POLD3: variants seen among roughly 807,000 people sequenced by gnomAD.
POLD3 encodes the protein DNA polymerase delta 3, accessory subunit.
Under a neutral mutation model 58.2 loss-of-function variants are expected in POLD3, and 19 were observed. That is an observed-to-expected ratio of 0.33 (90% confidence interval 0.23 to 0.48). The LOEUF is 0.48. Ranked by LOEUF, POLD3 falls within the 20% of genes least tolerant of loss-of-function variation. POLD3 has a pLI of 0.99. For missense variants in POLD3, 504 were observed against 545.5 expected, an observed-to-expected ratio of 0.92 and a Z score of 0.76; for synonymous variants, 172 against 193.5, an observed-to-expected ratio of 0.89 and a Z score of 0.92.
intron 4 of POLD3, among the ~76,000 whole-genome samples, chr11:74,656,310 C>T (rs187796146): frequency 1.3e-3 from 201 of 152,030 alleles, no homozygotes; most frequent in African/African-American, 4.6e-3. Context: ...ATTTTTTGGC[C>T]GGGCTCAGTG....
chr11:74,607,424 G>A (rs1490002234), intron 3 of POLD3, among the ~76,000 whole-genome samples: 4 of 149,456 alleles, frequency 2.7e-5, no homozygotes, highest in African/African-American at 4.9e-5. Flanking sequence ...CACCACGCCC[G>A]GCTAATTTTT....
At chr11:74,646,487 G>A (rs1291094184), downstream of POLD3, among the ~76,000 whole-genome samples, 2 of 152,174 alleles carry the variant, frequency 1.3e-5, no homozygotes, top group Non-Finnish European at 2.9e-5. Flanking sequence ...AGATAAGTAG[G>A]CTAATAAATG....
In POLD3 at chr11:74,625,539, G is replaced by A. The variant is rs988711546; in HGVS notation, c.865G>A (p.Glu289Lys). 6.2e-7 allele frequency: 1 copy of A among 1,613,324 alleles called. No individual in the cohort carries two copies. The highest frequency in any genetic ancestry group is 8.5e-7 in the Non-Finnish European group (1 of 1,179,676). ...AGLKKSSKKA[E>K]PVKVLQKEKK... Reference sequence around the variant, plus strand: ...CCTGAAAAAATCCAGCAAAAAAGCAGAGCCTGTTAAGGTGCTGCAGAAGGA... The same window carrying A: ...CCTGAAAAAATCCAGCAAAAAAGCAAAGCCTGTTAAGGTGCTGCAGAAGGA... The change falls in exon 8 of 12, where the codon GAG (glutamate) becomes AAG (lysine). Residue 289 changes from glutamate to lysine, a missense_variant. Around this residue, in one of 2 missense-constraint regions of POLD3, gnomAD observed 385 missense variants for 370.5 expected, o/e 1.04. Transcript: ENST00000263681.
intron 9 of POLD3, among the ~76,000 whole-genome samples, chr11:74,631,291 T>C (rs1304193641): frequency 6.6e-6 from 1 of 152,206 alleles, no homozygotes; most frequent in African/African-American, 2.4e-5. Context: ...GTTTAAATTT[T>C]ACCTTGACCA....
At chr11:74,604,542 T>C (rs1014307177) in intron 2 of POLD3, 150 bp from the exon 3 acceptor site, 17 of 585,214 alleles carry the variant, frequency 2.9e-5, no homozygotes, top group Non-Finnish European at 4.0e-5. Context: ...TTTTTTTTTT[T>C]CAACTGTCCA....
At chr11:74,603,834 T>C (rs1336418468) in intron 2 of POLD3, among the ~76,000 whole-genome samples, 5 of 152,160 alleles carry the variant, frequency 3.3e-5, no homozygotes, top group Non-Finnish European at 7.3e-5. Flanking sequence ...TATAGACAGA[T>C]TGTAAATGTT....
chr11:74,607,227 T>TTTA lies in POLD3; in HGVS notation c.219+2447_219+2449dup, dbSNP rs1264931557. ...AGACATTACGCAGCTTTGTATGGAA[T>TTTA]TTATTATTATTATTATATATTTATT... is the stretch of plus-strand genomic sequence containing the variant. On this transcript the variant is annotated intron_variant, in intron 3 of 11. Coordinates refer to ENST00000263681, the MANE Select transcript of POLD3 (RefSeq NM_006591.3). 8.4e-3 allele frequency among the ~76,000 whole-genome samples: 1,052 copies of TTTA among 125,784 alleles called. 17 individuals are homozygous for TTTA. Among genetic ancestry groups the TTTA allele is most frequent in the African/African-American group, 0.036 (984 of 27,140 alleles). The allele number at this position is 125,784 out of a possible 152,430, so 82.5% of individuals were successfully genotyped here. A position where few individuals can be genotyped will look rare whatever the true frequency, so the allele number is the denominator to read the frequency against.
Position 74,604,782 on chromosome 11 carries a change from G to T in POLD3, c.207G>T (p.Gln69His), listed in dbSNP as rs2135125418. ...VTYLVSGSLI[Q>H]NGHSCHKVAV... is the part of the protein sequence containing the mutation. ...ACTTGGTGTCTGGCAGTCTCATTCA[G>T]AATGGACATTCCGTAAGTTCTCAGA... Residue 69 changes from glutamine to histidine, a missense_variant, in exon 3 of 12, where the codon CAG becomes CAT. This residue lies in a region of POLD3 where 119 missense variants were observed against 175.0 expected (regional missense o/e 0.68). Coordinates refer to ENST00000263681, the MANE Select transcript of POLD3 (RefSeq NM_006591.3). 3 of 1,583,270 alleles carry T rather than the reference G, an allele frequency of 1.9e-6. No individual in the cohort carries two copies. In the South Asian group the frequency reaches 3.3e-5, roughly 18 times the overall value.
intron 2 of POLD3, among the ~76,000 whole-genome samples, chr11:74,604,039 G>GTTA (rs1179877221): frequency 6.6e-5 from 10 of 152,204 alleles, no homozygotes; most frequent in Non-Finnish European, 1.3e-4. Flanking sequence ...TGAGTAAGCT[G>GTTA]TTACATTCTG....
Position 74,629,225 on chromosome 11 carries a change from G to T in POLD3, c.908G>T (p.Arg303Leu). ...TTTCTGGATGGCAACAGGGGGAAGC[G>T]AGTAGCATTATCTGATGATGAGACA... ...VLQKEKKRGKRVALSDDETKE... is the reference protein window; with the variant it reads ...VLQKEKKRGKLVALSDDETKE... Residue 303 changes from arginine to leucine, a missense_variant, in exon 9 of 12, where the codon CGA (arginine) becomes CTA (leucine). Arg to Leu is a moderately radical substitution (Grantham distance 102). This residue lies in a region of POLD3 where 385 missense variants were observed against 370.5 expected (regional missense o/e 1.04). Transcript: ENST00000263681. The T allele has an allele frequency of 6.3e-7, 1 of 1,591,082 alleles. No individual in the cohort carries two copies. Among genetic ancestry groups the T allele is most frequent in the South Asian group, 1.1e-5 (1 of 89,604 alleles).
rs1034698123 is a variant in POLD3, at chr11:74,597,721, A to G, written c.116+3605A>G. Among the ~76,000 whole-genome samples the G allele has an allele frequency of 3.3e-5, 5 of 152,120 alleles. No individual in the cohort carries two copies. In the South Asian group the frequency reaches 8.3e-4, roughly 25 times the overall value. ...AGCCATCCTCCTGCCTTGTCCTCCAAAGTGCTGGGATTGCAGGCATAAGCC... is the reference window on the plus strand; with the variant it reads ...AGCCATCCTCCTGCCTTGTCCTCCAGAGTGCTGGGATTGCAGGCATAAGCC... On this transcript the variant is annotated intron_variant, in intron 2 of 11. Transcript: ENST00000263681.
At chr11:74,604,574 T>C in intron 2 of POLD3, 118 bp from the exon 3 acceptor site, 1 of 645,182 alleles carries the variant, frequency 1.5e-6, no homozygotes, top group Non-Finnish European at 2.7e-6. Flanking sequence ...AAAATGCTAC[T>C]GTTCAGAAAA....
intron 4 of POLD3, among the ~76,000 whole-genome samples, chr11:74,656,640 T>C (rs1054360235): frequency 2.0e-5 from 3 of 152,298 alleles, no homozygotes; most frequent in South Asian, 4.1e-4. Context: ...CAGGAGCATG[T>C]AGTTTAATTT....
intron 3 of POLD3, among the ~76,000 whole-genome samples, chr11:74,609,835 A>G (rs571491607): frequency 1.6e-4 from 25 of 152,158 alleles, no homozygotes; most frequent in Non-Finnish European, 2.6e-4. Flanking sequence ...AATATTCCTC[A>G]TTAATTATTA....
chr11:74,596,556 T>C (rs1173162026), intron 2 of POLD3, among the ~76,000 whole-genome samples: 1 of 152,228 alleles, frequency 6.6e-6, no homozygotes, highest in East Asian at 1.9e-4. Context: ...GAAGTATATA[T>C]ACACTGTGGA....
chr11:74,664,284 C>T (rs569641947), intron 4 of POLD3, among the ~76,000 whole-genome samples: 2 of 151,908 alleles, frequency 1.3e-5, no homozygotes, highest in Non-Finnish European at 2.9e-5. Context: ...AAATATTTAC[C>T]CAAGAAAATG....
At chr11:74,606,349 T>C (rs2031673400) in intron 3 of POLD3, among the ~76,000 whole-genome samples, 1 of 152,254 alleles carries the variant, frequency 6.6e-6, no homozygotes, top group Admixed American at 6.5e-5. Flanking sequence ...AGTTTATGGC[T>C]GATTGTCATA....
At chr11:74,657,624 TGTA>T (rs1226357318) in intron 4 of POLD3, among the ~76,000 whole-genome samples, 1 of 152,218 alleles carries the variant, frequency 6.6e-6, no homozygotes, top group Non-Finnish European at 1.5e-5. Flanking sequence ...GAAAAGTTGT[TGTA>T]GTTATTATTT....
At chr11:74,648,380 A>G (rs779072559) in intron 4 of POLD3, among the ~76,000 whole-genome samples, 7 of 152,174 alleles carry the variant, frequency 4.6e-5, no homozygotes, top group South Asian at 2.1e-4. Flanking sequence ...CTTGAAGTCT[A>G]TATTCTGACT....
Sources: gnomAD v4.1 joint callset for allele counts (sites outside exome capture counted in the v4.1 genomes callset) on GRCh38, gnomAD v4.1.1 for gene constraint, gnomAD v4.1.1 regional missense constraint, MANE v1.5 for transcripts, NCBI Gene and HGNC (gene_info 2026-07-23, HGNC 2026-07-21) for gene names.